The following TESC variants were observed in gnomAD, a reference collection of about 807,000 sequenced individuals.
TESC encodes calcineurin B homologous protein 3.
TESC carries 19 observed loss-of-function variants against 31.0 expected under a neutral mutation model. The observed-to-expected ratio is 0.61, with a 90% CI of 0.43 to 0.90. The LOEUF (loss-of-function observed/expected upper bound fraction) is 0.90, where lower values mean the gene tolerates loss of function less well. TESC is among the 40% of genes least tolerant of loss of function. The pLI is 0.00. For missense variants in TESC, 248 were observed against 303.8 expected, an observed-to-expected ratio of 0.82 and a Z score of 1.36; for synonymous variants, 109 against 114.8, an observed-to-expected ratio of 0.95 and a Z score of 0.32.
In TESC at chr12:117,066,200, CT is replaced by C. The variant is rs58829406; in HGVS notation, c.128+9070del. Among the ~76,000 whole-genome samples the C allele has an allele frequency of 1.1e-3, 69 of 62,980 alleles. 2 individuals carry two copies. Among genetic ancestry groups the C allele is most frequent in the African/African-American group, 2.3e-3 (27 of 11,754 alleles). 41.3% of individuals were successfully genotyped at this position (62,980 alleles called of 152,430 possible). ...TGTCTGCCCTGTTTCCTTCCTTTAGCTTTTTTTTTTTTTTTTTTTTTTTTGG... is the reference window on the plus strand; with the variant it reads ...TGTCTGCCCTGTTTCCTTCCTTTAGCTTTTTTTTTTTTTTTTTTTTTTTGG... On this transcript the variant is annotated intron_variant, in intron 2 of 7. Transcript: ENST00000335209.
intron 1 of TESC, among the ~76,000 whole-genome samples, chr12:117,096,748 C>T (rs1040998535): frequency 6.6e-6 from 1 of 152,176 alleles, no homozygotes; most frequent in Admixed American, 6.5e-5. Context: ...TGGCAAGGCC[C>T]CTGAAGCCAG....
At chr12:117,072,558 A>C (rs941318162) in intron 2 of TESC, among the ~76,000 whole-genome samples, 2 of 152,240 alleles carry the variant, frequency 1.3e-5, no homozygotes, top group Non-Finnish European at 2.9e-5. Context: ...ATCTCTATGC[A>C]TGTAGAATAT....
chr12:117,096,301 TC>T (rs1270099814), intron 1 of TESC, among the ~76,000 whole-genome samples: 2 of 152,112 alleles, frequency 1.3e-5, no homozygotes, highest in Non-Finnish European at 2.9e-5. Flanking sequence ...GAGGCTTTTC[TC>T]CCTTTTTCTC....
intron 4 of TESC, among the ~76,000 whole-genome samples, chr12:117,047,904 G>A (rs372423151): frequency 6.6e-6 from 1 of 151,906 alleles, no homozygotes; most frequent in African/African-American, 2.4e-5. Context: ...CCACTATGCC[G>A]TGCTCATTTT....
chr12:117,056,297 TCCACCCACCTTGG>T (rs1166923203), intron 3 of TESC, among the ~76,000 whole-genome samples: 1 of 152,202 alleles, frequency 6.6e-6, no homozygotes. Context: ...CCTCAGGTGA[TCCACCCACCTTGG>T]CCTCCCAAAG....
At chr12:117,068,594 C>T (rs1954918959) in intron 2 of TESC, among the ~76,000 whole-genome samples, 1 of 152,182 alleles carries the variant, frequency 6.6e-6, no homozygotes, top group African/African-American at 2.4e-5. Flanking sequence ...GGACATTTTG[C>T]TGACGCCCCA....
At chr12:117,067,335 C>A (rs1954901389) in intron 2 of TESC, among the ~76,000 whole-genome samples, 1 of 152,106 alleles carries the variant, frequency 6.6e-6, no homozygotes, top group South Asian at 2.1e-4. Context: ...AAGACTGAGG[C>A]AGGAGTATTG....
At chr12:117,077,275 T>C (rs1955086980) in intron 1 of TESC, among the ~76,000 whole-genome samples, 1 of 152,204 alleles carries the variant, frequency 6.6e-6, no homozygotes, top group African/African-American at 2.4e-5. Context: ...TATCCTCTTG[T>C]TACAGATGTA....
chr12:117,061,269 G>A (rs906231637), intron 2 of TESC, among the ~76,000 whole-genome samples: 2 of 152,196 alleles, frequency 1.3e-5, no homozygotes, highest in African/African-American at 4.8e-5. Flanking sequence ...TGGCAAGGTG[G>A]TCAATAAATG....
chr12:117,080,032 G>T (rs1261001313), intron 1 of TESC, among the ~76,000 whole-genome samples: 1 of 152,130 alleles, frequency 6.6e-6, no homozygotes, highest in Admixed American at 6.5e-5. Flanking sequence ...CCTCTCCTTA[G>T]TTCTGTTAGG....
intron 3 of TESC, among the ~76,000 whole-genome samples, 176 bp downstream of exon 3, chr12:117,056,630 C>A (rs1156765839): frequency 4.6e-5 from 7 of 152,206 alleles, no homozygotes; most frequent in Non-Finnish European, 1.0e-4. Context: ...GCAGCCCAGT[C>A]GCCCAGCTAT....
chr12:117,046,483 C>T (rs998856123), intron 6 of TESC, 76 bp downstream of exon 6: 20 of 1,418,942 alleles, frequency 1.4e-5, no homozygotes, highest in Non-Finnish European at 1.8e-5. Flanking sequence ...GCCCCTGCCC[C>T]ATGAGGCCTT....
rs1206350174 is a variant in TESC, at chr12:117,090,705, T to C, written c.58+8520A>G. Among the ~76,000 whole-genome samples, 3 of 152,264 alleles carry C rather than the reference T, an allele frequency of 2.0e-5. No individual in the cohort carries two copies. In the East Asian group the frequency reaches 5.8e-4, roughly 29 times the overall value. On this transcript the variant is annotated intron_variant, in intron 1 of 7. Coordinates refer to ENST00000335209, the MANE Select transcript of TESC (RefSeq NM_017899.4). ...GTGAGAAGCCACCTGTGTGCCATAG[T>C]GGGACTCTGGCTGAGGTCCTTGGGG... is the stretch of plus-strand genomic sequence containing the variant.
At chr12:117,048,983 G>A in intron 4 of TESC, 36 bp downstream of exon 4, 2 of 1,613,670 alleles carry the variant, frequency 1.2e-6, no homozygotes, top group South Asian at 2.2e-5. Flanking sequence ...CTGCACCCCA[G>A]GCCAGGTGTG....
At chr12:117,090,511 G>T (rs1379091040) in intron 1 of TESC, among the ~76,000 whole-genome samples, 1 of 152,216 alleles carries the variant, frequency 6.6e-6, no homozygotes, top group South Asian at 2.1e-4. Context: ...CAAGAGCTTT[G>T]CCCAAATTCT....
intron 3 of TESC, among the ~76,000 whole-genome samples, chr12:117,052,370 C>T (rs1275047880): frequency 1.3e-5 from 2 of 152,336 alleles, no homozygotes; most frequent in East Asian, 1.9e-4. Context: ...CTGAAATCCT[C>T]CTCCAGCTTC....
intron 6 of TESC, 161 bp downstream of exon 6, chr12:117,046,398 T>C (rs546717245): frequency 5.9e-6 from 4 of 681,190 alleles, no homozygotes; most frequent in East Asian, 5.5e-5. Context: ...TTCAGTCTCC[T>C]GGGGGACAGG....
intron 2 of TESC, among the ~76,000 whole-genome samples, chr12:117,062,975 C>T (rs73405269): frequency 0.032 from 4,884 of 152,276 alleles, 261 homozygotes; most frequent in African/African-American, 0.11. Flanking sequence ...CCCAGGAGGG[C>T]TCCAGGGCCA....
intron 2 of TESC, among the ~76,000 whole-genome samples, chr12:117,061,141 G>A (rs191570811): frequency 6.6e-6 from 1 of 152,324 alleles, no homozygotes; most frequent in African/African-American, 2.4e-5. Context: ...GATAAAGTCT[G>A]CAACATGCTC....
Sources: gnomAD v4.1 joint callset for allele counts (sites outside exome capture counted in the v4.1 genomes callset) on GRCh38, gnomAD v4.1.1 for gene constraint, MANE v1.5 for transcripts, NCBI Gene and HGNC (gene_info 2026-07-23, HGNC 2026-07-21) for gene names.